FNDC3B: variants seen among roughly 807,000 people sequenced by gnomAD.
FNDC3B encodes fibronectin type III domain containing 3B.
A neutral mutation model predicts 151.5 loss-of-function variants in FNDC3B; 12 were observed. The observed-to-expected ratio is 0.08, with a 90% CI of 0.05 to 0.13. The LOEUF is 0.13. Among genes scored for constraint, FNDC3B ranks in the 10% least tolerant of loss-of-function variants. The pLI is 1.00. For synonymous variants in FNDC3B, 528 were observed against 549.0 expected (o/e 0.96, Z 0.54); for missense variants, 1,214 against 1,505.3 (o/e 0.81, Z 3.20).
At position 172,128,178 on chromosome 3, in the gene FNDC3B, G is replaced by A. The variant is rs376261253; in HGVS notation, c.112-5293G>A. Among the ~76,000 whole-genome samples the A allele has an allele frequency of 7.9e-5, 12 of 152,254 alleles. No individual in the cohort carries two copies. The East Asian group carries it at 2.1e-3, about 27-fold the overall frequency. The stretch of plus-strand genomic sequence containing the variant: ...CAGTGTTTGCTTAGGTCCCCTTGGA[G>A]GCTTCCTGTTATTGTATATTATTTT... On this transcript the variant is annotated intron_variant, in intron 2 of 25. Coordinates refer to ENST00000415807, the MANE Select transcript of FNDC3B (RefSeq NM_022763.4).
intron 3 of FNDC3B, among the ~76,000 whole-genome samples, chr3:172,191,371 A>T (rs1391689605): frequency 6.6e-6 from 1 of 152,190 alleles, no homozygotes; most frequent in Admixed American, 6.5e-5. Flanking sequence ...ATCAGAACTG[A>T]TAGTATTGTC....
At chr3:172,311,398 G>GC (rs1731480961) in intron 11 of FNDC3B, among the ~76,000 whole-genome samples, 1 of 152,054 alleles carries the variant, frequency 6.6e-6, no homozygotes, top group Admixed American at 6.6e-5. Flanking sequence ...TGTATCGGAT[G>GC]CCCCCCTTGC....
At chr3:172,142,797 C>T (rs1021821757) in intron 3 of FNDC3B, among the ~76,000 whole-genome samples, 1 of 152,150 alleles carries the variant, frequency 6.6e-6, no homozygotes, top group East Asian at 1.9e-4. Flanking sequence ...TACCAGAGAC[C>T]GGGTGGCTTA....
chr3:172,118,906 T>C (rs944389827), intron 2 of FNDC3B, among the ~76,000 whole-genome samples: 1 of 152,062 alleles, frequency 6.6e-6, no homozygotes, highest in East Asian at 1.9e-4. Context: ...TGTTGGCTCA[T>C]GCCTGTAATC....
At chr3:172,157,698 A>C (rs982112772) in intron 3 of FNDC3B, among the ~76,000 whole-genome samples, 1 of 152,130 alleles carries the variant, frequency 6.6e-6, no homozygotes, top group Non-Finnish European at 1.5e-5. Context: ...TTTGAGATCC[A>C]TTTGTTTTGT....
chr3:172,092,216 A>G (rs945548790), intron 1 of FNDC3B, among the ~76,000 whole-genome samples: 1 of 152,118 alleles, frequency 6.6e-6, no homozygotes, highest in Non-Finnish European at 1.5e-5. Context: ...AAAGCTCTGT[A>G]TGGACTCCTC....
chr3:172,246,674 G>A (rs770686269), intron 4 of FNDC3B, among the ~76,000 whole-genome samples: 2 of 152,180 alleles, frequency 1.3e-5, no homozygotes, highest in Non-Finnish European at 2.9e-5. Context: ...ATGACTTGAG[G>A]CCAGTTCAAG....
intron 2 of FNDC3B, among the ~76,000 whole-genome samples, chr3:172,114,655 G>A (rs1720151939): frequency 6.6e-6 from 1 of 152,224 alleles, no homozygotes; most frequent in South Asian, 2.1e-4. Flanking sequence ...GGAGGCTGAA[G>A]TAGGAGAATC....
chr3:172,341,457 C>T (rs772714577), intron 17 of FNDC3B, among the ~76,000 whole-genome samples: 3 of 152,152 alleles, frequency 2.0e-5, no homozygotes, highest in Non-Finnish European at 4.4e-5. Context: ...ACATTTGTCA[C>T]TCACTCATTT....
intron 3 of FNDC3B, among the ~76,000 whole-genome samples, chr3:172,218,446 A>G (rs1431885002): frequency 6.6e-6 from 1 of 152,202 alleles, no homozygotes; most frequent in Non-Finnish European, 1.5e-5. Context: ...TAGGAGAAAG[A>G]ATGTGAAGAG....
intron 4 of FNDC3B, 62 bp from the exon 5 acceptor site, chr3:172,247,471 A>G (rs1322583679): frequency 6.6e-7 from 1 of 1,519,274 alleles, no homozygotes; most frequent in East Asian, 2.3e-5. Context: ...AGTTATTAAT[A>G]CTATATATAT....
intron 1 of FNDC3B, among the ~76,000 whole-genome samples, chr3:172,053,263 G>C (rs9831880): frequency 1.5e-4 from 23 of 152,078 alleles, no homozygotes; most frequent in Admixed American, 1.3e-4. Flanking sequence ...AGATGAGAAG[G>C]CATACTCAAA....
intron 5 of FNDC3B, 24 bp downstream of exon 5, chr3:172,247,800 AG>A (rs777357270): frequency 8.7e-6 from 14 of 1,613,426 alleles, no homozygotes; most frequent in Admixed American, 1.7e-5. Flanking sequence ...CGTTGGCGTC[AG>A]GAGCCGTTGA....
At chr3:172,060,262 C>G (rs1250624866) in intron 1 of FNDC3B, among the ~76,000 whole-genome samples, 1 of 151,994 alleles carries the variant, frequency 6.6e-6, no homozygotes. Flanking sequence ...ATTTAAAAGT[C>G]TAGATTCTTT....
intron 3 of FNDC3B, among the ~76,000 whole-genome samples, chr3:172,152,873 G>A (rs1266008162): frequency 6.6e-6 from 1 of 152,108 alleles, no homozygotes; most frequent in Non-Finnish European, 1.5e-5. Context: ...GTGAAATGTG[G>A]TATTGTCATT....
At chr3:172,243,369 T>G (rs531157732) in intron 4 of FNDC3B, among the ~76,000 whole-genome samples, 9 of 152,316 alleles carry the variant, frequency 5.9e-5, no homozygotes, top group Non-Finnish European at 1.2e-4. Context: ...CTGGGCAATT[T>G]ACAAAGGAAA....
chr3:172,347,060 T>C, intron 20 of FNDC3B, 152 bp from the exon 21 acceptor site: 2 of 655,538 alleles, frequency 3.1e-6, no homozygotes, highest in East Asian at 5.4e-5. Context: ...ACATAGTAGG[T>C]ATATATATTT....
In FNDC3B at chr3:172,397,676, TAAAAAAAAGA is replaced by T. The variant is rs1277128665; in HGVS notation, c.*213_*222del. 13 of 330,740 alleles carry T rather than the reference TAAAAAAAAGA, an allele frequency of 3.9e-5. No individual in the cohort carries two copies. Among genetic ancestry groups the T allele is most frequent in the Non-Finnish European group, 6.4e-5 (12 of 186,428 alleles). The allele number at this position is 330,740 out of a possible 1,614,324, so 20.5% of individuals were successfully genotyped here. A position where few individuals can be genotyped will look rare whatever the true frequency, so the allele number is the denominator to read the frequency against. On this transcript the variant is annotated 3_prime_UTR_variant, in exon 26 of 26. Coordinates refer to ENST00000415807, the MANE Select transcript of FNDC3B (RefSeq NM_022763.4). ...AAAGGTTAAACTGGATTTTTTTTTTTAAAAAAAAGAAAAAAAAAGAAGAAAAGTATACCAG... is the reference window on the plus strand; with the variant it reads ...AAAGGTTAAACTGGATTTTTTTTTTTAAAAAAAAGAAGAAAAGTATACCAG...
intron 3 of FNDC3B, among the ~76,000 whole-genome samples, chr3:172,216,970 C>T (rs1284136504): frequency 1.3e-5 from 2 of 152,150 alleles, no homozygotes; most frequent in Non-Finnish European, 1.5e-5. Context: ...GTTGTCTGGG[C>T]TATATGCCTG....
Sources: gnomAD v4.1 joint callset for allele counts (sites outside exome capture counted in the v4.1 genomes callset) on GRCh38, gnomAD v4.1.1 for gene constraint, MANE v1.5 for transcripts, NCBI Gene and HGNC (gene_info 2026-07-23, HGNC 2026-07-21) for gene names.